The following SPAG9 variants were observed in gnomAD, a reference collection of about 807,000 sequenced individuals.
SPAG9 encodes the protein sperm associated antigen 9, also known as C-Jun-amino-terminal kinase-interacting protein 4.
In SPAG9, 35 loss-of-function variants were observed where a neutral mutation model predicts 166.5. That is an observed-to-expected ratio of 0.21 (90% CI 0.16 to 0.28). SPAG9 has a LOEUF of 0.28. Among genes scored for constraint, SPAG9 ranks in the 10% least tolerant of loss-of-function variants. The pLI, the probability that SPAG9 is intolerant of heterozygous loss-of-function variation, is 1.00. For synonymous variants in SPAG9, 534 were observed against 565.5 expected, an observed-to-expected ratio of 0.94 and a Z score of 0.79; for missense variants, 1,235 against 1,603.3, an observed-to-expected ratio of 0.77 and a Z score of 3.92.
At chr17:51,072,442 G>A (rs2047848289) in intron 2 of SPAG9, among the ~76,000 whole-genome samples, 1 of 150,194 alleles carries the variant, frequency 6.7e-6, no homozygotes, top group South Asian at 2.1e-4. Flanking sequence ...CAGCACTTTG[G>A]GAGGCCAAGG....
At chr17:51,087,129 C>G (rs1396426715) in intron 1 of SPAG9, among the ~76,000 whole-genome samples, 1 of 152,054 alleles carries the variant, frequency 6.6e-6, no homozygotes, top group African/African-American at 2.4e-5. Flanking sequence ...AAATTGCTAT[C>G]CAAGAAAAAT....
intron 1 of SPAG9, among the ~76,000 whole-genome samples, chr17:51,092,751 CAAAAAAAAAA>C (rs200338786): frequency 0.071 from 3,846 of 54,236 alleles, 181 homozygotes; most frequent in East Asian, 0.34. Context: ...CTTGTCTCTA[CAAAAAAAAAA>C]AAAAAAGAAA....
chr17:51,012,453 C>T (rs980891546), intron 9 of SPAG9, among the ~76,000 whole-genome samples: 6 of 151,652 alleles, frequency 4.0e-5, no homozygotes, highest in African/African-American at 1.5e-4. Flanking sequence ...GCCTTTAGTC[C>T]CAGCTACTCG....
At chr17:51,058,799 TG>T (rs762159680) in intron 2 of SPAG9, among the ~76,000 whole-genome samples, 55 of 152,326 alleles carry the variant, frequency 3.6e-4, no homozygotes, top group Middle Eastern at 3.4e-3. Flanking sequence ...GTGGAACTAC[TG>T]GAACTTTCAT....
chr17:51,114,595 A>AC (rs1482944497), intron 1 of SPAG9, among the ~76,000 whole-genome samples: 3 of 152,214 alleles, frequency 2.0e-5, no homozygotes, highest in Admixed American at 2.0e-4. Flanking sequence ...GTGCCTCTGC[A>AC]CCCCAGCCTG....
chr17:51,037,107 T>C (rs2046616355), intron 5 of SPAG9, among the ~76,000 whole-genome samples: 1 of 152,104 alleles, frequency 6.6e-6, no homozygotes, highest in African/African-American at 2.4e-5. Flanking sequence ...ATTACTATTA[T>C]TATTCATTAT....
chr17:51,042,930 G>A (rs545235381), intron 4 of SPAG9, among the ~76,000 whole-genome samples: 2 of 152,122 alleles, frequency 1.3e-5, no homozygotes, highest in South Asian at 4.1e-4. Context: ...TTGCTGTGTT[G>A]CCCAGACTGA....
intron 4 of SPAG9, among the ~76,000 whole-genome samples, chr17:51,044,233 C>T (rs1022694612): frequency 6.6e-6 from 1 of 152,046 alleles, no homozygotes; most frequent in African/African-American, 2.4e-5. Flanking sequence ...GAAAAGAAAC[C>T]CTGAAAGGTA....
intron 11 of SPAG9, among the ~76,000 whole-genome samples, chr17:51,005,735 C>T (rs1244556042): frequency 6.6e-6 from 1 of 152,222 alleles, no homozygotes; most frequent in Non-Finnish European, 1.5e-5. Context: ...CCTACAATCC[C>T]AGCTACTCAG....
At position 51,095,992 on chromosome 17, in the gene SPAG9, G is replaced by GATATATATATAGTGAT. The variant is rs1180725579; in HGVS notation, c.304-16304_304-16289dup. On this transcript the variant is annotated intron_variant, in intron 1 of 29. Transcript: ENST00000262013. Reference sequence around the variant, plus strand: ...ATATAGTGATATATATATATATAGTGATATATATATAGTGATATATATATA... The same window carrying GATATATATATAGTGAT: ...ATATAGTGATATATATATATATAGTGATATATATATAGTGATATATATATATAGTGATATATATATA... 1.4e-3 allele frequency among the ~76,000 whole-genome samples: 106 copies of GATATATATATAGTGAT among 75,172 alleles called. 6 individuals are homozygous for GATATATATATAGTGAT. Among genetic ancestry groups the GATATATATATAGTGAT allele is most frequent in the Admixed American group, 0.013 (89 of 6,822 alleles). 49.3% of individuals were successfully genotyped at this position (75,172 alleles called of 152,430 possible). A position where few individuals can be genotyped will look rare whatever the true frequency, so the allele number is the denominator to read the frequency against.
At chr17:51,111,208 T>C (rs1035890507) in intron 1 of SPAG9, among the ~76,000 whole-genome samples, 1 of 152,170 alleles carries the variant, frequency 6.6e-6, no homozygotes, top group Non-Finnish European at 1.5e-5. Flanking sequence ...AGAACTTATA[T>C]ATACCCATTT....
intron 9 of SPAG9, 87 bp from the exon 10 acceptor site, chr17:51,007,413 T>C: frequency 3.0e-6 from 2 of 664,330 alleles, no homozygotes; most frequent in East Asian, 3.2e-5. Context: ...TCACAAGTTT[T>C]ATTTTAGAAA....
At chr17:51,021,723 C>T (rs1460614940) in intron 6 of SPAG9, among the ~76,000 whole-genome samples, 1 of 152,168 alleles carries the variant, frequency 6.6e-6, no homozygotes, top group Non-Finnish European at 1.5e-5. Context: ...AGAACACATA[C>T]TCTGTAATAG....
intron 23 of SPAG9, 39 bp from the exon 24 acceptor site, chr17:50,985,029 G>C (rs1227870567): frequency 1.3e-6 from 2 of 1,584,592 alleles, no homozygotes; most frequent in Non-Finnish European, 1.7e-6. Context: ...TCTCCATTCA[G>C]GAATACAGAA....
rs370497832 is a variant in SPAG9, at chr17:51,075,176, A to ACAGAGC, written c.424+4402_424+4407dup. Among the ~76,000 whole-genome samples, 613 of 142,836 alleles carry ACAGAGC rather than the reference A, an allele frequency of 4.3e-3. 4 individuals carry two copies. Among genetic ancestry groups the ACAGAGC allele is most frequent in the African/African-American group, 0.015 (564 of 38,310 alleles). 93.7% of individuals were successfully genotyped at this position (142,836 alleles called of 152,430 possible). On this transcript the variant is annotated intron_variant, in intron 2 of 29. Transcript: ENST00000262013. ...ATGCCATTGCATTCCAGCCTGGGCA[A>ACAGAGC]CAGAGCCAGACTCCATCTCAAAAAA...
At chr17:51,013,774 T>A (rs188087590) in intron 9 of SPAG9, among the ~76,000 whole-genome samples, 28 of 152,296 alleles carry the variant, frequency 1.8e-4, no homozygotes, top group Admixed American at 3.9e-4. Flanking sequence ...AAACATAATA[T>A]ACTCTGAGAA....
chr17:51,096,276 G>A (rs1188090317), intron 1 of SPAG9, among the ~76,000 whole-genome samples: 3 of 151,374 alleles, frequency 2.0e-5, no homozygotes, highest in Non-Finnish European at 2.9e-5. Flanking sequence ...TTGAACCCAG[G>A]AGGCGGAGGT....
chr17:50,983,153 C>T (rs905831289), intron 24 of SPAG9, among the ~76,000 whole-genome samples: 3 of 152,172 alleles, frequency 2.0e-5, no homozygotes, highest in Admixed American at 6.5e-5. Flanking sequence ...ATCAGAACCT[C>T]GCTTTGCTTT....
intron 2 of SPAG9, among the ~76,000 whole-genome samples, chr17:51,069,278 C>T (rs1338106878): frequency 6.6e-6 from 1 of 151,836 alleles, no homozygotes. Context: ...GAAGGAATTG[C>T]CTATTGACAT....
Sources: gnomAD v4.1 joint callset for allele counts (sites outside exome capture counted in the v4.1 genomes callset) on GRCh38, gnomAD v4.1.1 for gene constraint, MANE v1.5 for transcripts, NCBI Gene and HGNC (gene_info 2026-07-23, HGNC 2026-07-21) for gene names.